The following SH3TC2 variants were observed in gnomAD, a reference collection of about 807,000 sequenced individuals.
The protein encoded by SH3TC2 is SH3 domain and tetratricopeptide repeat-containing protein 2.
SH3TC2 carries 87 observed loss-of-function variants against 124.5 expected under a neutral mutation model. The ratio of observed to expected loss-of-function variants is 0.70; its 90% CI spans 0.59 to 0.84. SH3TC2 has a LOEUF of 0.84. SH3TC2 is among the 40% of genes least tolerant of loss of function. The pLI is 0.00. For missense variants in SH3TC2, 1,536 were observed against 1,566.4 expected (o/e 0.98, Z 0.33); for synonymous variants, 634 against 628.5 (o/e 1.01, Z -0.13).
rs754938951 is a variant in SH3TC2 at position 149,027,380 on chromosome 5, C to A, written c.2352G>T (p.Leu784Phe). 31 of 1,614,024 alleles carry A rather than the reference C, an allele frequency of 1.9e-5. No individual in the cohort carries two copies. The highest frequency in any genetic ancestry group is 2.5e-5 in the Non-Finnish European group (30 of 1,180,028). Residue 784 changes from leucine (L) to phenylalanine (F), a missense_variant, in exon 11 of 17, where the codon TTG becomes TTT. By Grantham distance (22) the Leu-to-Phe change is conservative (BLOSUM62 0). Coordinates refer to ENST00000515425, the MANE Select transcript of SH3TC2 (RefSeq NM_024577.4). ...GCTCACCCAGCAGCTGCCCTAGCAC[C>A]AAGGCCTGGCTCAGGTAGTGGATGG... is the stretch of plus-strand genomic sequence containing the variant. Reference protein sequence around the residue: ...DGAIHYLSQALVLGQLLGEQE... With the variant: ...DGAIHYLSQAFVLGQLLGEQE...
At chr5:149,008,780 T>C in intron 15 of SH3TC2, 71 bp downstream of exon 15, 1 of 1,604,370 alleles carries the variant, frequency 6.2e-7, no homozygotes, top group South Asian at 1.1e-5. Context: ...CCTGCGGTGT[T>C]ATTGCTTTGC....
chr5:149,057,228 T>TA (rs1754663768), intron 1 of SH3TC2, among the ~76,000 whole-genome samples: 1 of 151,914 alleles, frequency 6.6e-6, no homozygotes, highest in Non-Finnish European at 1.5e-5. Context: ...ATATCCTTTT[T>TA]ATCTTCTTTT....
chr5:149,011,876 A>C (rs1270835450), intron 13 of SH3TC2, among the ~76,000 whole-genome samples: 3 of 152,230 alleles, frequency 2.0e-5, no homozygotes, highest in Non-Finnish European at 4.4e-5. Flanking sequence ...TAAAACACTA[A>C]AATATAATGT....
rs776735616 is a variant in SH3TC2, at chr5:148,989,457, T to A, written c.*15254A>T. On this transcript the variant is annotated 3_prime_UTR_variant, in exon 17 of 17. Transcript: ENST00000515425. ...TATGGCTGAGGAATATCTGAATTCA[T>A]TCACATCCAGAAATCACATTGTAGT... Among the ~76,000 whole-genome samples, 4 of 152,226 alleles carry A rather than the reference T, an allele frequency of 2.6e-5. No homozygotes were observed. The highest frequency in any genetic ancestry group is 9.6e-5 in the African/African-American group (4 of 41,466).
intron 8 of SH3TC2, among the ~76,000 whole-genome samples, chr5:149,033,183 G>A (rs912844982): frequency 3.3e-5 from 5 of 152,136 alleles, no homozygotes; most frequent in South Asian, 2.1e-4. Context: ...CTACCTCTGC[G>A]TGCATTGCCT....
intron 1 of SH3TC2, among the ~76,000 whole-genome samples, chr5:149,056,964 T>C (rs950183389): frequency 6.6e-6 from 1 of 152,216 alleles, no homozygotes; most frequent in African/African-American, 2.4e-5. Context: ...TCTATGGTAG[T>C]TATTGCTGAG....
In SH3TC2 at chr5:149,009,416, A is replaced by C. The variant is rs528261483; in HGVS notation, c.3328-415T>G. 6.5e-4 allele frequency among the ~76,000 whole-genome samples: 99 copies of C among 152,336 alleles called. 1 individual carries two copies. Among genetic ancestry groups the C allele is most frequent in the Non-Finnish European group, 1.2e-3 (79 of 68,030 alleles). On this transcript the variant is annotated intron_variant, in intron 14 of 16. Coordinates refer to ENST00000515425, the MANE Select transcript of SH3TC2 (RefSeq NM_024577.4). ...GTCATTTCTATGTTTTTATCATGATAGAATTTTAGGCAAATCACTTCATCT... is the reference window on the plus strand; with the variant it reads ...GTCATTTCTATGTTTTTATCATGATCGAATTTTAGGCAAATCACTTCATCT...
At chr5:149,044,382 G>T in intron 4 of SH3TC2, 151 bp downstream of exon 4, 1 of 652,116 alleles carries the variant, frequency 1.5e-6, no homozygotes. Context: ...TTTAGTTTGA[G>T]GCACTTTGTG....
chr5:149,005,324 G>A (rs915695863), intron 16 of SH3TC2, among the ~76,000 whole-genome samples: 3 of 152,284 alleles, frequency 2.0e-5, no homozygotes, highest in African/African-American at 7.2e-5. Context: ...GCTAGAAGGG[G>A]AAAAGGCCAA....
In SH3TC2 at chr5:148,997,592, C is replaced by T. The variant is rs2127389567; in HGVS notation, c.*7119G>A. Among the ~76,000 whole-genome samples, 1 of 152,310 alleles carries T rather than the reference C, an allele frequency of 6.6e-6. No homozygotes were observed. Among genetic ancestry groups the T allele is most frequent in the Admixed American group, 6.5e-5 (1 of 15,290 alleles). ...TTGTGTTGATTTCAGCCCAGTATTT[C>T]AGGCTGATGAAACAAGTTTTAATCT... On this transcript the variant is annotated 3_prime_UTR_variant, in exon 17 of 17. Transcript: ENST00000515425.
At position 149,027,751 on chromosome 5, in the gene SH3TC2, G is replaced by A; in HGVS notation, c.1981C>T (p.Leu661Phe). 1.2e-6 allele frequency: 2 copies of A among 1,613,982 alleles called. No homozygotes were observed. Among genetic ancestry groups the A allele is most frequent in the South Asian group, 1.1e-5 (1 of 91,082 alleles). Reference protein sequence around the residue: ...EVLPFAERLQLLSGHPPASEA... With the variant: ...EVLPFAERLQFLSGHPPASEA... ...GAGGCAGGAGGGTGTCCAGAGAGGA[G>A]CTGCAGGCGCTCGGCAAAGGGCAGG... The change falls in exon 11 of 17, where the codon CTC becomes TTC. Residue 661 changes from leucine to phenylalanine, a missense_variant. Physicochemically the swap from Leu to Phe is conservative, Grantham distance 22. Around this residue, in one of 3 missense-constraint regions of SH3TC2, gnomAD observed 1,102 missense variants for 1,098.6 expected, o/e 1.00. Transcript: ENST00000515425.
At chr5:149,021,434 A>G (rs866135113) in intron 12 of SH3TC2, among the ~76,000 whole-genome samples, 1 of 152,088 alleles carries the variant, frequency 6.6e-6, no homozygotes. Flanking sequence ...TAAAGATGAG[A>G]GCAAAAATAA....
intron 4 of SH3TC2, 144 bp downstream of exon 4, chr5:149,044,389 T>G (rs1045925733): frequency 6.0e-6 from 4 of 667,866 alleles, no homozygotes; most frequent in Non-Finnish European, 1.1e-5. Flanking sequence ...TGAGGCACTT[T>G]GTGAAATTTC....
intron 9 of SH3TC2, 68 bp from the exon 10 acceptor site, chr5:149,028,786 G>T: frequency 6.5e-7 from 1 of 1,543,762 alleles, no homozygotes; most frequent in Non-Finnish European, 9.0e-7. Flanking sequence ...GCCTCCAGGT[G>T]TACCCCAGAT....
At chr5:149,060,374 C>G (rs1349650752) in intron 1 of SH3TC2, among the ~76,000 whole-genome samples, 1 of 152,182 alleles carries the variant, frequency 6.6e-6, no homozygotes, top group Non-Finnish European at 1.5e-5. Context: ...CATGTGCAGT[C>G]CCCCCTGATT....
Position 148,988,143 on chromosome 5 carries a change from C to T in SH3TC2, c.*16568G>A, listed in dbSNP as rs1417985565. On this transcript the variant is annotated 3_prime_UTR_variant, in exon 17 of 17. Transcript: ENST00000515425. ...TACTGGGTAATAAAAACTCTATGCACACAGGCTAGAAGTTGAGTGGTGGAA... is the reference window on the plus strand; with the variant it reads ...TACTGGGTAATAAAAACTCTATGCATACAGGCTAGAAGTTGAGTGGTGGAA... Among the ~76,000 whole-genome samples the T allele has an allele frequency of 4.6e-5, 7 of 152,160 alleles. No homozygotes were observed. The highest frequency in any genetic ancestry group is 7.2e-5 in the African/African-American group (3 of 41,422).
At chr5:149,046,514 A>G (rs1241225664) in intron 3 of SH3TC2, 1 of 152,214 alleles carries the variant, frequency 6.6e-6, no homozygotes, top group Non-Finnish European at 1.5e-5. Flanking sequence ...TTTATAATCA[A>G]TGGCATCTTA....
chr5:149,028,563 A>G lies in SH3TC2; in HGVS notation c.1178-9T>C. ...ACCTTCAGGCTGGGATGCTGTAAGG[A>G]CAGGCAAAGTTGAGCAACCTTGGGC... On this transcript the variant is annotated splice_polypyrimidine_tract_variant and intron_variant, in intron 10 of 16. Transcript: ENST00000515425. 6.2e-7 allele frequency: 1 copy of G among 1,614,116 alleles called. No individual in the cohort carries two copies.
At chr5:149,004,976 T>G in intron 16 of SH3TC2, 74 bp from the exon 17 acceptor site, 1 of 1,556,932 alleles carries the variant, frequency 6.4e-7, no homozygotes, top group Admixed American at 1.7e-5. Flanking sequence ...GAGGCTGTGC[T>G]GGCCACTCTA....
Sources: allele counts gnomAD v4.1 joint callset (sites outside exome capture counted in the v4.1 genomes callset), GRCh38; gene constraint gnomAD v4.1.1; regional missense constraint gnomAD v4.1.1; transcripts MANE v1.5; gene names NCBI Gene and HGNC (gene_info 2026-07-23, HGNC 2026-07-21).